Variants in UST observed in about 807,000 individuals in gnomAD.
The protein encoded by UST is chondroitin sulfate 2-O-sulfotransferase.
Under a neutral mutation model 45.6 loss-of-function variants are expected in UST, and 21 were observed. The observed-to-expected ratio is 0.46, with a 90% confidence interval of 0.33 to 0.66. The LOEUF (loss-of-function observed/expected upper bound fraction) is 0.66. Among genes scored for constraint, UST ranks in the 30% least tolerant of loss-of-function variants. UST has a pLI of 0.02. For missense variants in UST, 463 were observed against 512.4 expected (o/e 0.90, Z 0.93); for synonymous variants, 215 against 200.6 (o/e 1.07, Z -0.61).
chr6:148,839,820 T>A (rs997469318), intron 1 of UST, among the ~76,000 whole-genome samples: 6 of 152,194 alleles, frequency 3.9e-5, no homozygotes, highest in Admixed American at 1.3e-4. Context: ...CCAATTTCCC[T>A]GGTATGTGGC....
intron 5 of UST, among the ~76,000 whole-genome samples, chr6:149,010,895 C>CAAAAAAAAAAAAAAAA (rs1172538648): frequency 9.1e-5 from 6 of 65,598 alleles, no homozygotes; most frequent in African/African-American, 3.3e-4. Flanking sequence ...CCGTCTCAAC[C>CAAAAAAAAAAAAAAAA]AAAAAAAAAA....
chr6:149,023,104 GTGTGTGTGTGT>G (rs879780103), intron 7 of UST, among the ~76,000 whole-genome samples: 1,390 of 5,236 alleles, frequency 0.27, 37 homozygotes, highest in Middle Eastern at 0.5. Context: ...GTTCTATGGT[GTGTGTGTGTGT>G]GTGTGTGTGT....
intron 1 of UST, among the ~76,000 whole-genome samples, chr6:148,825,239 A>G (rs892536935): frequency 6.6e-5 from 10 of 152,148 alleles, no homozygotes; most frequent in East Asian, 3.9e-4. Flanking sequence ...ATGTCCCCTG[A>G]TGATAGGCCA....
chr6:148,906,660 C>A (rs1055180789), intron 2 of UST, among the ~76,000 whole-genome samples: 1 of 147,756 alleles, frequency 6.8e-6, no homozygotes. Flanking sequence ...GCTTAGTGAA[C>A]CTACATTCAC....
chr6:148,997,406 C>T (rs1387029518), intron 5 of UST, among the ~76,000 whole-genome samples: 2 of 152,102 alleles, frequency 1.3e-5, no homozygotes, highest in East Asian at 1.9e-4. Flanking sequence ...GAACCTGACC[C>T]ACTGAAAACA....
rs1355528806 is a variant in UST, at chr6:148,887,024, A to G, written c.286A>G (p.Ser96Gly). Residue 96 changes from serine to glycine, a missense_variant, in exon 2 of 8, where the codon AGT becomes GGT. Around this residue, in one of 2 missense-constraint regions of UST, gnomAD observed 176 missense variants for 138.3 expected, o/e 1.27. Transcript: ENST00000367463. ...CTTGGATGACCATGGACCACCTCCT[A>G]GTAAGGTAAGATCTTTGCTTGTGAT... Reference protein sequence around the residue: ...TYLDDHGPPPSKVLPFPSQVV... With the variant: ...TYLDDHGPPPGKVLPFPSQVV... The G allele has an allele frequency of 6.2e-7, 1 of 1,612,640 alleles. No homozygotes were observed. The highest frequency in any genetic ancestry group is 8.5e-7 in the Non-Finnish European group (1 of 1,179,264).
intron 1 of UST, among the ~76,000 whole-genome samples, chr6:148,814,619 C>A (rs1488104350): frequency 6.6e-6 from 1 of 152,104 alleles, no homozygotes; most frequent in African/African-American, 2.4e-5. Context: ...CAGTCAGCTT[C>A]TGGCTGTACT....
intron 5 of UST, chr6:149,005,685 T>G (rs986523034): frequency 1.1e-6 from 1 of 879,208 alleles, no homozygotes. Context: ...AAGTATTTCT[T>G]GGAAGCACAT....
chr6:148,755,396 A>T lies in UST; in HGVS notation c.247+7719A>T, dbSNP rs184106564. On this transcript the variant is annotated intron_variant, in intron 1 of 7. Transcript: ENST00000367463. The stretch of plus-strand genomic sequence containing the variant: ...ATTTTAGTAGGTTTCAAAAATATAT[A>T]TAATCAAAATAAGAAGCTCTAAAAT... Among the ~76,000 whole-genome samples, 12 of 152,368 alleles carry T rather than the reference A, an allele frequency of 7.9e-5. No individual in the cohort carries two copies. In the East Asian group the frequency reaches 2.3e-3, roughly 29 times the overall value.
chr6:148,995,059 C>G (rs987159048), intron 5 of UST, among the ~76,000 whole-genome samples: 1 of 152,114 alleles, frequency 6.6e-6, no homozygotes, highest in Non-Finnish European at 1.5e-5. Flanking sequence ...GAGTCTCACT[C>G]TGTCGCACAA....
chr6:148,878,506 G>C (rs1778756190), intron 1 of UST, among the ~76,000 whole-genome samples: 1 of 126,146 alleles, frequency 7.9e-6, no homozygotes, highest in Non-Finnish European at 1.6e-5. Flanking sequence ...GATTGTGTAT[G>C]AGTGCGGGGA....
At chr6:148,861,305 C>T (rs1778307749) in intron 1 of UST, among the ~76,000 whole-genome samples, 1 of 152,138 alleles carries the variant, frequency 6.6e-6, no homozygotes, top group African/African-American at 2.4e-5. Context: ...ATAGTATTCT[C>T]TGATGGTAGT....
At position 149,003,449 on chromosome 6, in the gene UST, A is replaced by C. The variant is rs527513766; in HGVS notation, c.682-15690A>C. Among the ~76,000 whole-genome samples the C allele has an allele frequency of 2.4e-3, 372 of 152,190 alleles. 11 individuals carry two copies. In the South Asian group the frequency reaches 0.05, roughly 20 times the overall value. On this transcript the variant is annotated intron_variant, in intron 5 of 7. Coordinates refer to ENST00000367463, the MANE Select transcript of UST (RefSeq NM_005715.3). Reference sequence around the variant, plus strand: ...CAATTTGGTAAAAAACAAAACAAAAAAAAAAAACATTAAGGCACCTAGTAG... The same window carrying C: ...CAATTTGGTAAAAAACAAAACAAAACAAAAAAACATTAAGGCACCTAGTAG...
chr6:148,814,000 C>A (rs1298788584), intron 1 of UST, among the ~76,000 whole-genome samples: 1 of 152,146 alleles, frequency 6.6e-6, no homozygotes, highest in African/African-American at 2.4e-5. Context: ...ATCTTTTCGG[C>A]CTTTCCAGGA....
At chr6:148,797,591 G>A (rs1562261090) in intron 1 of UST, among the ~76,000 whole-genome samples, 2 of 152,204 alleles carry the variant, frequency 1.3e-5, no homozygotes, top group Non-Finnish European at 2.9e-5. Flanking sequence ...AGAAAAGTGA[G>A]TGTTCAGAGT....
intron 2 of UST, among the ~76,000 whole-genome samples, chr6:148,910,166 G>A (rs1051309667): frequency 1.2e-4 from 15 of 124,604 alleles, no homozygotes; most frequent in Non-Finnish European, 2.2e-4. Flanking sequence ...TTGAGACAGA[G>A]TTTCACTCTC....
At chr6:148,773,856 A>G (rs1776479708) in intron 1 of UST, among the ~76,000 whole-genome samples, 1 of 152,208 alleles carries the variant, frequency 6.6e-6, no homozygotes, top group African/African-American at 2.4e-5. Context: ...GGGATTGTCT[A>G]AGAGGAATCA....
chr6:148,837,903 A>G (rs980375670), intron 1 of UST, among the ~76,000 whole-genome samples: 2 of 152,132 alleles, frequency 1.3e-5, no homozygotes, highest in African/African-American at 4.8e-5. Context: ...GGGTTTCGCC[A>G]TGTTGCTCAG....
chr6:148,896,270 C>T (rs184918483), intron 2 of UST, among the ~76,000 whole-genome samples: 1 of 152,326 alleles, frequency 6.6e-6, no homozygotes, highest in East Asian at 1.9e-4. Flanking sequence ...TTCTGTCTCC[C>T]AAAACCTCAA....
Sources: allele counts gnomAD v4.1 joint callset (sites outside exome capture counted in the v4.1 genomes callset), GRCh38; gene constraint gnomAD v4.1.1; regional missense constraint gnomAD v4.1.1; transcripts MANE v1.5; gene names NCBI Gene and HGNC (gene_info 2026-07-23, HGNC 2026-07-21).